Variants in PARD3B observed in about 807,000 individuals in gnomAD.
The protein encoded by PARD3B is partitioning defective 3 homolog B.
A neutral mutation model predicts 130.2 loss-of-function variants in PARD3B; 103 were observed. That is an observed-to-expected ratio of 0.79 (90% CI 0.67 to 0.93). The LOEUF is 0.93. PARD3B is among the 40% of genes least tolerant of loss of function. The probability of loss-of-function intolerance (pLI) is 0.00; values close to 1 mark genes in which losing one functional copy is unlikely to be tolerated. For synonymous variants in PARD3B, 583 were observed against 553.2 expected (o/e 1.05, Z -0.76); for missense variants, 1,609 against 1,499.2 (o/e 1.07, Z -1.21).
chr2:204,933,336 TTGA>T (rs1305492478), intron 2 of PARD3B, among the ~76,000 whole-genome samples: 4 of 152,204 alleles, frequency 2.6e-5, no homozygotes, highest in Non-Finnish European at 5.9e-5. Flanking sequence ...TTGATTTTAA[TTGA>T]TGACACTCTG....
At chr2:205,107,796 T>C (rs762542833) in intron 5 of PARD3B, among the ~76,000 whole-genome samples, 1 of 152,232 alleles carries the variant, frequency 6.6e-6, no homozygotes, top group Non-Finnish European at 1.5e-5. Context: ...GCATCTCTTA[T>C]GAAGCACCAC....
intron 18 of PARD3B, among the ~76,000 whole-genome samples, chr2:205,383,363 C>A (rs2137177): frequency 0.22 from 32,659 of 151,762 alleles, 4,021 homozygotes; most frequent in African/African-American, 0.34. Flanking sequence ...CTCATATATT[C>A]ATAAATTTTT....
At chr2:205,162,009 G>A (rs1328913430) in intron 11 of PARD3B, among the ~76,000 whole-genome samples, 1 of 152,060 alleles carries the variant, frequency 6.6e-6, no homozygotes, top group Non-Finnish European at 1.5e-5. Context: ...CTCTAATTGA[G>A]GGCATTGCTT....
intron 3 of PARD3B, among the ~76,000 whole-genome samples, chr2:204,989,848 T>C (rs977700711): frequency 6.6e-6 from 1 of 152,164 alleles, no homozygotes; most frequent in African/African-American, 2.4e-5. Context: ...TTGCATTATT[T>C]CCAGGTTTTT....
rs2053579254 is a variant in PARD3B, at chr2:205,572,111, A to G, written c.3260+18708A>G. Among the ~76,000 whole-genome samples, 1 of 152,184 alleles carries G rather than the reference A, an allele frequency of 6.6e-6. No homozygotes were observed. Among genetic ancestry groups the G allele is most frequent in the South Asian group, 2.1e-4 (1 of 4,832 alleles). Reference sequence around the variant, plus strand: ...TCATTTATTGATTCATTCATTCAGTAAACTTTTACATAAATACTACTATAT... The same window carrying G: ...TCATTTATTGATTCATTCATTCAGTGAACTTTTACATAAATACTACTATAT... On this transcript the variant is annotated intron_variant, in intron 22 of 22. Coordinates refer to ENST00000406610, the MANE Select transcript of PARD3B (RefSeq NM_001302769.2). The surrounding 1 kb of genome is among the most constrained non-coding windows in gnomAD (Gnocchi z 4.2).
rs528076620 is a variant in PARD3B at position 205,122,466 on chromosome 2, T to C, written c.1165+517T>C. ...TTCAAAAGCATGTATAATATTTTCT[T>C]TCTTCATCTTTTTCAACTTTTCTAT... is the stretch of plus-strand genomic sequence containing the variant. On this transcript the variant is annotated intron_variant, in intron 8 of 22. Transcript: ENST00000406610. The surrounding 1 kb of genome is among the most constrained non-coding windows in gnomAD (Gnocchi z 4.3). 2.6e-5 allele frequency among the ~76,000 whole-genome samples: 4 copies of C among 152,204 alleles called. No homozygotes were observed. Among genetic ancestry groups the C allele is most frequent in the Non-Finnish European group, 5.9e-5 (4 of 68,028 alleles).
intron 16 of PARD3B, among the ~76,000 whole-genome samples, chr2:205,249,737 C>T (rs2039756777): frequency 6.6e-6 from 1 of 152,136 alleles, no homozygotes; most frequent in South Asian, 2.1e-4. Flanking sequence ...TGGTAGAATC[C>T]TCCTCCAAAT....
At chr2:205,077,016 A>T (rs1164207180) in intron 4 of PARD3B, among the ~76,000 whole-genome samples, 1 of 152,138 alleles carries the variant, frequency 6.6e-6, no homozygotes, top group Non-Finnish European at 1.5e-5. Flanking sequence ...TGTGAGAAAT[A>T]CTCACTGCGT....
intron 4 of PARD3B, among the ~76,000 whole-genome samples, chr2:205,068,581 ATTTTT>A (rs11360197): frequency 6.6e-6 from 1 of 150,648 alleles, no homozygotes; most frequent in Non-Finnish European, 1.5e-5. Flanking sequence ...GAATGAAGTT[ATTTTT>A]TTTTTTACCT....
intron 20 of PARD3B, among the ~76,000 whole-genome samples, chr2:205,471,353 CTTTTTTTTTTTT>C: frequency 1.2e-5 from 1 of 85,406 alleles, no homozygotes; most frequent in East Asian, 3.1e-4. Context: ...ACTCACTTTT[CTTTTTTTTTTTT>C]TTTTTTTTTT....
At chr2:205,601,390 G>A (rs996610095) in intron 22 of PARD3B, among the ~76,000 whole-genome samples, 4 of 151,942 alleles carry the variant, frequency 2.6e-5, no homozygotes, top group African/African-American at 7.3e-5. Context: ...TATAGATTCT[G>A]GATATTAGAC....
At chr2:204,776,870 A>G (rs2041644583) in intron 2 of PARD3B, among the ~76,000 whole-genome samples, 1 of 151,854 alleles carries the variant, frequency 6.6e-6, no homozygotes, top group African/African-American at 2.4e-5. Flanking sequence ...CATGGCCCAG[A>G]GACCGCAAGG....
intron 2 of PARD3B, among the ~76,000 whole-genome samples, chr2:204,884,229 T>C (rs1167583579): frequency 1.3e-5 from 2 of 152,160 alleles, no homozygotes; most frequent in African/African-American, 4.8e-5. Context: ...AAAATATTAA[T>C]AGATTATGTC....
intron 21 of PARD3B, among the ~76,000 whole-genome samples, chr2:205,540,481 A>G (rs978462399): frequency 6.6e-6 from 1 of 152,186 alleles, no homozygotes; most frequent in Non-Finnish European, 1.5e-5. Flanking sequence ...ATAAATTCAT[A>G]TGGTTCAATG....
intron 18 of PARD3B, among the ~76,000 whole-genome samples, chr2:205,396,739 G>A (rs935393759): frequency 3.9e-5 from 6 of 152,132 alleles, no homozygotes; most frequent in Non-Finnish European, 7.4e-5. Flanking sequence ...AAGGCACCTA[G>A]CCCAGAATTG....
intron 1 of PARD3B, among the ~76,000 whole-genome samples, chr2:204,549,544 C>A (rs2030288863): frequency 6.6e-6 from 1 of 152,136 alleles, no homozygotes; most frequent in African/African-American, 2.4e-5. Flanking sequence ...GTCCCTTCCC[C>A]CAAGATTCTC....
intron 21 of PARD3B, among the ~76,000 whole-genome samples, chr2:205,502,198 A>G (rs1233876971): frequency 6.6e-6 from 1 of 152,150 alleles, no homozygotes; most frequent in African/African-American, 2.4e-5. Flanking sequence ...CTGAGAAATT[A>G]CACTGTTGTC....
chr2:204,764,715 C>CATGTGTGTGTGTGTGT (rs60298501), intron 2 of PARD3B, among the ~76,000 whole-genome samples: 73 of 145,750 alleles, frequency 5.0e-4, no homozygotes, highest in African/African-American at 1.8e-3. Flanking sequence ...GGCATGCATG[C>CATGTGTGTGTGTGTGT]GTGTGTGTGT....
chr2:205,198,041 G>C (rs1277630721), intron 15 of PARD3B, among the ~76,000 whole-genome samples: 3 of 152,194 alleles, frequency 2.0e-5, no homozygotes, highest in Non-Finnish European at 4.4e-5. Context: ...CCATAATACT[G>C]TTTGAGAATT....
Sources: gnomAD v4.1 joint callset for allele counts (sites outside exome capture counted in the v4.1 genomes callset) on GRCh38, gnomAD v4.1.1 for gene constraint, Gnocchi (gnomAD v3.1) non-coding constraint, MANE v1.5 for transcripts, NCBI Gene and HGNC (gene_info 2026-07-23, HGNC 2026-07-21) for gene names.